The following USP24 variants were observed in gnomAD, a reference collection of about 807,000 sequenced individuals.
USP24 encodes ubiquitin carboxyl-terminal hydrolase 24.
In USP24, 97 loss-of-function variants were observed where a neutral mutation model predicts 361.6. The ratio of observed to expected loss-of-function variants is 0.27; its 90% CI spans 0.23 to 0.32. The LOEUF is 0.32. Among genes scored for constraint, USP24 ranks in the 10% least tolerant of loss-of-function variants. USP24 has a pLI of 1.00. For missense variants in USP24, 2,353 were observed against 3,165.6 expected (o/e 0.74, Z 6.16); for synonymous variants, 1,098 against 1,124.6 (o/e 0.98, Z 0.47).
intron 36 of USP24, among the ~76,000 whole-genome samples, chr1:55,122,577 G>C (rs1370764912): frequency 6.6e-6 from 1 of 152,142 alleles, no homozygotes; most frequent in Non-Finnish European, 1.5e-5. Flanking sequence ...GATGAGTTAG[G>C]GCACTCTTGC....
chr1:55,087,924 A>G (rs1045465626), intron 55 of USP24, among the ~76,000 whole-genome samples: 2 of 152,236 alleles, frequency 1.3e-5, no homozygotes, highest in African/African-American at 4.8e-5. Context: ...TAACAGGTGC[A>G]AGGACCTTGA....
chr1:55,117,057 A>G (rs1646136329), intron 38 of USP24, among the ~76,000 whole-genome samples: 2 of 152,228 alleles, frequency 1.3e-5, no homozygotes, highest in South Asian at 4.1e-4. Context: ...ATGTAATCTC[A>G]TATTAAGGGA....
rs1465064662 is a variant in USP24, at chr1:55,067,036, C to T, written c.*2009G>A. On this transcript the variant is annotated 3_prime_UTR_variant, in exon 68 of 68. Coordinates refer to ENST00000294383, the MANE Select transcript of USP24 (RefSeq NM_015306.3). ...ACAATATAAGCAACATGATCTGAAG[C>T]GTATAATATACACGGTGGACGATCC... 2 of 152,144 alleles carry T rather than the reference C, an allele frequency of 1.3e-5. No homozygotes were observed. Among genetic ancestry groups the T allele is most frequent in the Admixed American group, 6.5e-5 (1 of 15,278 alleles). 9.4% of individuals were successfully genotyped at this position (152,144 alleles called of 1,614,324 possible). A position where few individuals can be genotyped will look rare whatever the true frequency, so the allele number is the denominator to read the frequency against.
chr1:55,154,007 A>G (rs1647365664), intron 15 of USP24, 90 bp from the exon 16 acceptor site: 2 of 1,559,182 alleles, frequency 1.3e-6, no homozygotes, highest in East Asian at 2.3e-5. Context: ...AAGAGCTTCC[A>G]GATATGGCAT....
chr1:55,097,579 C>A lies in USP24; in HGVS notation c.5715+19G>T. The A allele has an allele frequency of 6.6e-7, 1 of 1,522,942 alleles. No individual in the cohort carries two copies. The highest frequency in any genetic ancestry group is 8.8e-7 in the Non-Finnish European group (1 of 1,139,774). The allele number at this position is 1,522,942 out of a possible 1,614,324, so 94.3% of individuals were successfully genotyped here. On this transcript the variant is annotated intron_variant, in intron 48 of 67. Transcript: ENST00000294383. ...GGAAATGAATGGTTGTGAAAAATTT[C>A]AGGAAGAAAAAAAGTTACCCTTATT...
At chr1:55,185,666 A>T (rs1217948863) in intron 1 of USP24, among the ~76,000 whole-genome samples, 1 of 151,944 alleles carries the variant, frequency 6.6e-6, no homozygotes, top group African/African-American at 2.4e-5. Flanking sequence ...GCTCAAGCAA[A>T]CCTCCCATTT....
chr1:55,161,182 G>A (rs1648238084), intron 8 of USP24, among the ~76,000 whole-genome samples: 1 of 151,942 alleles, frequency 6.6e-6, no homozygotes, highest in Admixed American at 6.6e-5. Flanking sequence ...GACCAGCCTG[G>A]CCAGCATGGT....
intron 67 of USP24, among the ~76,000 whole-genome samples, chr1:55,069,865 T>C (rs1224404876): frequency 2.6e-5 from 2 of 78,268 alleles, no homozygotes; most frequent in African/African-American, 1.1e-4. Flanking sequence ...AGAGCAACAC[T>C]CCATCTCAAA....
intron 52 of USP24, 95 bp from the exon 53 acceptor site, chr1:55,093,011 G>T: frequency 1.3e-6 from 1 of 757,506 alleles, no homozygotes. Flanking sequence ...TAGGTAAAAA[G>T]CACTTATAAA....
At position 55,172,161 on chromosome 1, in the gene USP24, C is replaced by T. The variant is rs1200137277; in HGVS notation, c.702+216G>A. ...GTAAGAGAAAGGCATTTAATCATTC[C>T]GTAAGTTGAAAAACCCATTAAAATT... On this transcript the variant is annotated intron_variant, in intron 4 of 67. Coordinates refer to ENST00000294383, the MANE Select transcript of USP24 (RefSeq NM_015306.3). 2.0e-5 allele frequency among the ~76,000 whole-genome samples: 3 copies of T among 152,168 alleles called. No individual in the cohort carries two copies. In the East Asian group the frequency reaches 5.8e-4, roughly 29 times the overall value.
At chr1:55,121,361 T>C (rs1167430649) in intron 37 of USP24, 75 bp downstream of exon 37, 1 of 1,349,766 alleles carries the variant, frequency 7.4e-7, no homozygotes, top group Admixed American at 1.9e-5. Context: ...TTCCCGACAA[T>C]GTCACAGGTA....
At position 55,069,814 on chromosome 1, in the gene USP24, A is replaced by T. The variant is rs143662412; in HGVS notation, c.7801-707T>A. Among the ~76,000 whole-genome samples, 7 of 138,108 alleles carry T rather than the reference A, an allele frequency of 5.1e-5. No homozygotes were observed. The East Asian group carries it at 1.7e-3, about 33-fold the overall frequency. 90.6% of individuals were successfully genotyped at this position (138,108 alleles called of 152,430 possible). A position where few individuals can be genotyped will look rare whatever the true frequency, so the allele number is the denominator to read the frequency against. ...CTGGAACCTGGGAGAAGGAGGTAGC[A>T]GTGAGGTGAGATTGCACCACTGCAC... is the stretch of plus-strand genomic sequence containing the variant. On this transcript the variant is annotated intron_variant, in intron 67 of 67. Transcript: ENST00000294383.
At chr1:55,180,332 C>CT (rs1643926276) in intron 1 of USP24, among the ~76,000 whole-genome samples, 1 of 152,102 alleles carries the variant, frequency 6.6e-6, no homozygotes, top group Non-Finnish European at 1.5e-5. Context: ...CTTGGGACAC[C>CT]CCCTCCTGCA....
intron 3 of USP24, among the ~76,000 whole-genome samples, chr1:55,175,102 T>TAAAAAATGAA: frequency 6.6e-6 from 1 of 151,980 alleles, no homozygotes; most frequent in African/African-American, 2.4e-5. Flanking sequence ...AAGCTACTTT[T>TAAAAAATGAA]GCTTCTAAAA....
At chr1:55,184,887 AAATAT>A (rs1328346996) in intron 1 of USP24, among the ~76,000 whole-genome samples, 2 of 152,368 alleles carry the variant, frequency 1.3e-5, no homozygotes, top group African/African-American at 4.8e-5. Flanking sequence ...ATGAAAATTA[AAATAT>A]AATATAAAAC....
At chr1:55,203,143 C>T (rs1008518832) in intron 1 of USP24, among the ~76,000 whole-genome samples, 2 of 152,196 alleles carry the variant, frequency 1.3e-5, no homozygotes, top group African/African-American at 2.4e-5. Flanking sequence ...TGTGGTTTTC[C>T]GCATCCTCTG....
At chr1:55,097,763 T>C (rs949894412) in intron 47 of USP24, 46 bp from the exon 48 acceptor site, 9 of 1,517,434 alleles carry the variant, frequency 5.9e-6, no homozygotes, top group Non-Finnish European at 7.9e-6. Context: ...ATGATCTCCA[T>C]GGAGAAAATA....
At chr1:55,141,576 A>C in intron 24 of USP24, 40 bp downstream of exon 24, 1 of 1,510,884 alleles carries the variant, frequency 6.6e-7, no homozygotes, top group South Asian at 1.2e-5. Flanking sequence ...TAAAAAACTG[A>C]CATATGTGTG....
chr1:55,074,469 A>T (rs1160748062), intron 63 of USP24, among the ~76,000 whole-genome samples: 1 of 152,070 alleles, frequency 6.6e-6, no homozygotes, highest in East Asian at 1.9e-4. Flanking sequence ...GTCTGTCTCT[A>T]CAAAAAAATA....
Sources: allele counts gnomAD v4.1 joint callset (sites outside exome capture counted in the v4.1 genomes callset), GRCh38; gene constraint gnomAD v4.1.1; transcripts MANE v1.5; gene names NCBI Gene and HGNC (gene_info 2026-07-23, HGNC 2026-07-21).